The following NPC2 variants were observed in gnomAD, a reference collection of about 807,000 sequenced individuals.
NPC2 encodes the protein NPC intracellular cholesterol transporter 2, also known as Niemann-Pick disease type C2 protein.
NPC2 carries 14 observed loss-of-function variants against 17.0 expected under a neutral mutation model. The observed-to-expected ratio is 0.82, with a 90% CI of 0.54 to 1.29. NPC2 has a LOEUF of 1.29. Among genes scored for constraint, NPC2 ranks in the 50% most tolerant of loss-of-function variants. The pLI, the probability that NPC2 is intolerant of heterozygous loss-of-function variation, is 0.00. For synonymous variants in NPC2, 75 were observed against 69.3 expected (o/e 1.08, Z -0.41); for missense variants, 167 against 183.4 (o/e 0.91, Z 0.52).
chr14:74,483,053 T>G (rs1345187420), intron 3 of NPC2: 5 of 1,299,082 alleles, frequency 3.8e-6, no homozygotes, highest in Non-Finnish European at 5.5e-6. Context: ...GGAATTTTTG[T>G]TGAAAAATAT....
intron 3 of NPC2, chr14:74,483,348 A>C: frequency 7.2e-7 from 1 of 1,383,122 alleles, no homozygotes; most frequent in Admixed American, 1.7e-5. Flanking sequence ...GAACAGGGCC[A>C]GAATTTAGCA....
intron 3 of NPC2, 43 bp from the exon 4 acceptor site, chr14:74,480,822 C>T (rs780876689): frequency 2.0e-6 from 3 of 1,490,288 alleles, no homozygotes; most frequent in South Asian, 2.3e-5. Context: ...AAAATAGGAC[C>T]TGACTTCTAT....
Position 74,480,691 on chromosome 14 carries a change from G to C in NPC2, c.441+11C>G, listed in dbSNP as rs2086647380. ...CTCCACCCATGCCCTCTCACCCCCA[G>C]ATAGACTTACGATCTGTACTGGGAT... On this transcript the variant is annotated intron_variant, in intron 4 of 4. Coordinates refer to ENST00000555619, the MANE Select transcript of NPC2 (RefSeq NM_006432.5). 6.2e-7 allele frequency: 1 copy of C among 1,611,558 alleles called. No individual in the cohort carries two copies. Among genetic ancestry groups the C allele is most frequent in the Non-Finnish European group, 8.5e-7 (1 of 1,177,734 alleles).
At chr14:74,490,748 G>A (rs1019315329) in intron 1 of NPC2, among the ~76,000 whole-genome samples, 6 of 152,226 alleles carry the variant, frequency 3.9e-5, no homozygotes, top group Non-Finnish European at 5.9e-5. Context: ...CGCCAGGGAA[G>A]GTGGGTGTAG....
chr14:74,489,489 C>T (rs118079783), intron 1 of NPC2, among the ~76,000 whole-genome samples: 1 of 152,274 alleles, frequency 6.6e-6, no homozygotes, highest in Admixed American at 6.5e-5. Flanking sequence ...CACACATCTG[C>T]AATCTACAGA....
intron 1 of NPC2, among the ~76,000 whole-genome samples, chr14:74,489,757 C>T (rs564829129): frequency 1.3e-5 from 2 of 152,330 alleles, no homozygotes; most frequent in African/African-American, 2.4e-5. Flanking sequence ...TTAAGTTCTG[C>T]CATTCAGCCA....
rs774036281 is a variant in NPC2, at chr14:74,486,350, C to T, written c.169G>A (p.Val57Ile). Residue 57 changes from valine to isoleucine, a missense_variant, in exon 2 of 5, where the codon GTC (valine) becomes ATC (isoleucine). Val to Ile is a conservative substitution (Grantham distance 29). Transcript: ENST00000555619. Reference sequence around the variant, plus strand: ...GCACTGCTGGTGAAGGTGACATTGACGCTGTAAGACTGTCCTTTGCTCAGC... The same window carrying T: ...GCACTGCTGGTGAAGGTGACATTGATGCTGTAAGACTGTCCTTTGCTCAGC... ...CQLSKGQSYS[V>I]NVTFTSNIQS... is the part of the protein sequence containing the mutation. 8.2e-5 allele frequency: 132 copies of T among 1,600,884 alleles called. No individual in the cohort carries two copies. The highest frequency in any genetic ancestry group is 4.3e-4 in the South Asian group (38 of 88,324).
chr14:74,480,732 A>C lies in NPC2; in HGVS notation c.411T>G (p.Ser137Arg), dbSNP rs1221987823. 1.2e-6 allele frequency: 2 copies of C among 1,614,070 alleles called. No individual in the cohort carries two copies. The highest frequency in any genetic ancestry group is 3.3e-5 in the Admixed American group (2 of 60,016). Residue 137 changes from serine (S) to arginine (R), a missense_variant, in exon 4 of 5, where the codon AGT (serine) becomes AGG (arginine). Coordinates refer to ENST00000555619, the MANE Select transcript of NPC2 (RefSeq NM_006432.5). Reference protein sequence around the residue: ...EWQLQDDKNQSLFCWEIPVQI... With the variant: ...EWQLQDDKNQRLFCWEIPVQI... ...GTACTGGGATTTCCCAGCAGAAGAG[A>C]CTTTGGTTTTTGTCATCCTGAAGTT...
chr14:74,483,170 G>A (rs2086672774), intron 3 of NPC2: 1 of 849,114 alleles, frequency 1.2e-6, no homozygotes. Flanking sequence ...ACAGCAATGA[G>A]GGATTTGTAT....
At chr14:74,484,150 T>A (rs1400129939) in intron 3 of NPC2, among the ~76,000 whole-genome samples, 1 of 152,220 alleles carries the variant, frequency 6.6e-6, no homozygotes, top group African/African-American at 2.4e-5. Context: ...TTATGTATGA[T>A]TAAATTTTAG....
In NPC2 at chr14:74,480,733, CTT is replaced by C. The variant is rs1265221291; in HGVS notation, c.408_409del (p.Phe139LeufsTer94). ...TACTGGGATTTCCCAGCAGAAGAGA[CTT>C]TGGTTTTTGTCATCCTGAAGTTGCC... On this transcript the variant is annotated frameshift_variant, in exon 4 of 5. Transcript: ENST00000555619. LOFTEE classifies it high-confidence loss of function. 1 of 1,614,124 alleles carries C rather than the reference CTT, an allele frequency of 6.2e-7. No individual in the cohort carries two copies. The highest frequency in any genetic ancestry group is 1.7e-5 in the Admixed American group (1 of 60,026).
chr14:74,493,296 C>T lies in NPC2; in HGVS notation c.-22G>A. ...GCATCGCGGATAACGAAGTTCCAAG[C>T]TCGGGAAAGAAGCAGCGGCCGCCCG... On this transcript the variant is annotated 5_prime_UTR_variant, in exon 1 of 5. Transcript: ENST00000555619. The surrounding 1 kb of genome is among the most constrained non-coding windows in gnomAD (Gnocchi z 4.1). 6.2e-7 allele frequency: 1 copy of T among 1,610,048 alleles called. No homozygotes were observed. The highest frequency in any genetic ancestry group is 2.2e-5 in the East Asian group (1 of 44,712).
At chr14:74,483,570 A>G in intron 3 of NPC2, 1 of 1,349,840 alleles carries the variant, frequency 7.4e-7, no homozygotes. Context: ...GCCTAATTGG[A>G]AAGTGCCAGC....
At chr14:74,491,713 T>TGC (rs1397778890) in intron 1 of NPC2, among the ~76,000 whole-genome samples, 6 of 152,204 alleles carry the variant, frequency 3.9e-5, no homozygotes, top group Non-Finnish European at 7.3e-5. Context: ...CTGAGGAAAT[T>TGC]AAGACAGTGA....
At position 74,480,238 on chromosome 14, in the gene NPC2, A is replaced by G. The variant is rs762658000; in HGVS notation, c.*36T>C. ...GAGGTGCTGTCAAGAGTCTCAGCAG[A>G]CTCATTGGCCAGATGCACCGAACTC... On this transcript the variant is annotated 3_prime_UTR_variant, in exon 5 of 5. Coordinates refer to ENST00000555619, the MANE Select transcript of NPC2 (RefSeq NM_006432.5). 9.9e-6 allele frequency: 16 copies of G among 1,614,052 alleles called. No individual in the cohort carries two copies. Among genetic ancestry groups the G allele is most frequent in the Non-Finnish European group, 1.4e-5 (16 of 1,179,998 alleles).
chr14:74,480,230 CT>C lies in NPC2; in HGVS notation c.*43del. 1 of 1,614,148 alleles carries C rather than the reference CT, an allele frequency of 6.2e-7. No individual in the cohort carries two copies. Among genetic ancestry groups the C allele is most frequent in the Non-Finnish European group, 8.5e-7 (1 of 1,180,028 alleles). The stretch of plus-strand genomic sequence containing the variant: ...CAGAGCTGGAGGTGCTGTCAAGAGT[CT>C]CAGCAGACTCATTGGCCAGATGCAC... On this transcript the variant is annotated 3_prime_UTR_variant, in exon 5 of 5. Transcript: ENST00000555619.
chr14:74,489,984 A>C (rs912381186), intron 1 of NPC2, among the ~76,000 whole-genome samples: 4 of 152,232 alleles, frequency 2.6e-5, no homozygotes, highest in African/African-American at 9.6e-5. Flanking sequence ...CATGAGTTTA[A>C]TCTAGAATAG....
chr14:74,486,955 C>A (rs998616572), intron 1 of NPC2, among the ~76,000 whole-genome samples: 1 of 151,488 alleles, frequency 6.6e-6, no homozygotes, highest in African/African-American at 2.4e-5. Flanking sequence ...GGAACAACTA[C>A]ATTTTTTTTT....
chr14:74,480,609 C>T, intron 4 of NPC2, 93 bp downstream of exon 4: 1 of 1,074,470 alleles, frequency 9.3e-7, no homozygotes, highest in Non-Finnish European at 1.5e-6. Flanking sequence ...TCTTGAAATT[C>T]CTTTTATCTT....
Sources: allele counts gnomAD v4.1 joint callset (sites outside exome capture counted in the v4.1 genomes callset), GRCh38; gene constraint gnomAD v4.1.1; non-coding constraint Gnocchi (gnomAD v3.1); transcripts MANE v1.5; gene names NCBI Gene and HGNC (gene_info 2026-07-23, HGNC 2026-07-21).